Variants in SKAP1 observed in about 807,000 individuals in gnomAD.
The protein encoded by SKAP1 is src kinase-associated phosphoprotein 1.
Under a neutral mutation model 58.5 loss-of-function variants are expected in SKAP1, and 44 were observed. The ratio of observed to expected loss-of-function variants is 0.75; its 90% CI spans 0.59 to 0.97. The LOEUF (loss-of-function observed/expected upper bound fraction) is 0.97, where lower values mean the gene tolerates loss of function less well. SKAP1 is among the 50% of genes least tolerant of loss of function. The probability of loss-of-function intolerance (pLI) is 0.00; values close to 1 mark genes in which losing one functional copy is unlikely to be tolerated. For missense variants in SKAP1, 390 were observed against 435.2 expected (o/e 0.90, Z 0.92); for synonymous variants, 127 against 149.7 (o/e 0.85, Z 1.11).
intron 1 of SKAP1, among the ~76,000 whole-genome samples, chr17:48,424,850 G>T (rs7212220): frequency 0.61 from 91,904 of 149,824 alleles, 28,881 homozygotes; most frequent in African/African-American, 0.76. Context: ...GAGAATCACT[G>T]GAACCTGGGA....
intron 1 of SKAP1, among the ~76,000 whole-genome samples, chr17:48,415,372 C>T (rs1344496495): frequency 6.6e-6 from 1 of 152,164 alleles, no homozygotes; most frequent in Non-Finnish European, 1.5e-5. Context: ...GTCTCAAGTA[C>T]TGGCAAATAC....
chr17:48,168,427 C>T (rs1048738723), intron 10 of SKAP1, among the ~76,000 whole-genome samples: 12 of 152,292 alleles, frequency 7.9e-5, no homozygotes, highest in South Asian at 2.1e-4. Flanking sequence ...GAGGCCAAGA[C>T]GGTCGGATCC....
At chr17:48,404,186 C>T (rs1191710668) in intron 1 of SKAP1, among the ~76,000 whole-genome samples, 2 of 150,376 alleles carry the variant, frequency 1.3e-5, no homozygotes, top group Non-Finnish European at 3.0e-5. Context: ...GGTGAGGTGG[C>T]TGACACCTGT....
chr17:48,369,146 A>AAAAT (rs59376097), intron 2 of SKAP1, among the ~76,000 whole-genome samples: 3,585 of 146,714 alleles, frequency 0.024, 65 homozygotes, highest in South Asian at 0.052. Flanking sequence ...ACTCCATCTC[A>AAAAT]AAATAAATAA....
chr17:48,180,253 C>T lies in SKAP1; in HGVS notation c.632-5G>A, dbSNP rs540161151. The T allele has an allele frequency of 5.8e-6, 9 of 1,548,158 alleles. No individual in the cohort carries two copies. In the South Asian group the frequency reaches 1.1e-4, roughly 19 times the overall value. On this transcript the variant is annotated splice_polypyrimidine_tract_variant and splice_region_variant and intron_variant, in intron 8 of 12. Coordinates refer to ENST00000336915, the MANE Select transcript of SKAP1 (RefSeq NM_003726.4). ...GAATGGTTAAGGAGCTCAGATCTAA[C>T]AAGGCAAAGATGAGAATGAATCAAG...
chr17:48,196,648 C>T (rs1358953807), intron 4 of SKAP1: 4 of 152,136 alleles, frequency 2.6e-5, no homozygotes, highest in Non-Finnish European at 5.9e-5. Flanking sequence ...TGAGAAAATG[C>T]CATATTATGT....
chr17:48,352,184 T>C (rs1295053198), intron 3 of SKAP1, among the ~76,000 whole-genome samples: 2 of 151,734 alleles, frequency 1.3e-5, no homozygotes, highest in Non-Finnish European at 2.9e-5. Context: ...GCATAACTCC[T>C]GGATGTTAAC....
chr17:48,321,347 CATTA>C lies in SKAP1; in HGVS notation c.280+24554_280+24557del, dbSNP rs1158241781. The stretch of plus-strand genomic sequence containing the variant: ...TTCTATCCAGCTCATCCTTCTGTCT[CATTA>C]TTATTATTATTATTATTATTATTAT... On this transcript the variant is annotated intron_variant, in intron 4 of 12. Transcript: ENST00000336915. 2.2e-5 allele frequency among the ~76,000 whole-genome samples: 3 copies of C among 137,570 alleles called. No individual in the cohort carries two copies. The Admixed American group carries it at 2.2e-4, about 10-fold the overall frequency. 90.3% of individuals were successfully genotyped at this position (137,570 alleles called of 152,430 possible). A position where few individuals can be genotyped will look rare whatever the true frequency, so the allele number is the denominator to read the frequency against.
chr17:48,433,099 C>T (rs1026099930), upstream of SKAP1, among the ~76,000 whole-genome samples: 5 of 152,368 alleles, frequency 3.3e-5, no homozygotes, highest in Non-Finnish European at 5.9e-5. Context: ...GAACGCAGCC[C>T]TTCCTTAATC....
intron 4 of SKAP1, among the ~76,000 whole-genome samples, chr17:48,310,462 A>C (rs553924049): frequency 1.3e-5 from 2 of 152,276 alleles, no homozygotes; most frequent in South Asian, 4.1e-4. Flanking sequence ...ATGAAACTAA[A>C]TTTCTGTCAA....
At chr17:48,316,028 T>A (rs191224333) in intron 4 of SKAP1, among the ~76,000 whole-genome samples, 10 of 152,294 alleles carry the variant, frequency 6.6e-5, no homozygotes, top group African/African-American at 2.4e-4. Context: ...CGCCTATGGA[T>A]CATCCAGTAT....
intron 9 of SKAP1, among the ~76,000 whole-genome samples, chr17:48,179,021 G>C (rs1295523155): frequency 6.6e-6 from 1 of 151,842 alleles, no homozygotes; most frequent in Non-Finnish European, 1.5e-5. Flanking sequence ...GTGTGGAGAG[G>C]GTTGGACGCT....
intron 4 of SKAP1, among the ~76,000 whole-genome samples, chr17:48,224,063 A>AGGAGGG: frequency 2.6e-5 from 1 of 38,190 alleles, no homozygotes; most frequent in Non-Finnish European, 5.0e-5. Context: ...GAGGAGGAGG[A>AGGAGGG]GGAGAAGGAG....
At chr17:48,372,293 C>T (rs1334886281) in intron 2 of SKAP1, among the ~76,000 whole-genome samples, 1 of 149,000 alleles carries the variant, frequency 6.7e-6, no homozygotes, top group African/African-American at 2.5e-5. Flanking sequence ...ATATGTTTTA[C>T]ATGTGTTATT....
the SKAP1 span, among the ~76,000 whole-genome samples, chr17:48,442,573 C>T: frequency 6.6e-6 from 1 of 152,120 alleles, no homozygotes; most frequent in Non-Finnish European, 1.5e-5. Flanking sequence ...CCCTTCTTGG[C>T]CAAGTCACCT....
At chr17:48,200,905 G>A (rs184306642) in intron 4 of SKAP1, among the ~76,000 whole-genome samples, 89 of 152,218 alleles carry the variant, frequency 5.8e-4, no homozygotes, top group Non-Finnish European at 1.2e-3. Flanking sequence ...CACACAGTAG[G>A]TACCCAATAA....
intron 10 of SKAP1, among the ~76,000 whole-genome samples, chr17:48,169,489 CAT>C (rs1208756134): frequency 2.0e-5 from 3 of 152,322 alleles, no homozygotes; most frequent in South Asian, 2.1e-4. Flanking sequence ...GACCTAATCA[CAT>C]GTGTTCACTA....
intron 1 of SKAP1, among the ~76,000 whole-genome samples, chr17:48,407,158 A>G (rs565134798): frequency 6.6e-6 from 1 of 152,226 alleles, no homozygotes; most frequent in Non-Finnish European, 1.5e-5. Context: ...AGGAGAAAAC[A>G]GCCTATATAA....
intron 1 of SKAP1, among the ~76,000 whole-genome samples, chr17:48,407,498 T>C (rs567695673): frequency 6.6e-6 from 1 of 152,326 alleles, no homozygotes; most frequent in East Asian, 1.9e-4. Context: ...GGATTTCACA[T>C]ACGGTTTTAT....
Sources: gnomAD v4.1 joint callset for allele counts (sites outside exome capture counted in the v4.1 genomes callset) on GRCh38, gnomAD v4.1.1 for gene constraint, MANE v1.5 for transcripts, NCBI Gene and HGNC (gene_info 2026-07-23, HGNC 2026-07-21) for gene names.